Variants in DLC1 observed in about 807,000 individuals in gnomAD.
DLC1 encodes rho GTPase-activating protein 7.
A neutral mutation model predicts 140.3 loss-of-function variants in DLC1; 54 were observed. That is an observed-to-expected ratio of 0.38 (90% CI 0.31 to 0.48). The LOEUF (loss-of-function observed/expected upper bound fraction) is 0.48. Among genes scored for constraint, DLC1 ranks in the 20% least tolerant of loss-of-function variants. The pLI is 0.96. For synonymous variants in DLC1, 986 were observed against 728.1 expected (o/e 1.35, Z -5.70); for missense variants, 2,536 against 1,907.0 (o/e 1.33, Z -6.14).
chr8:13,600,426 T>C (rs1385409769), intron 1 of DLC1, among the ~76,000 whole-genome samples: 2 of 151,886 alleles, frequency 1.3e-5, no homozygotes, highest in African/African-American at 4.8e-5. Flanking sequence ...ATTCGTGTTA[T>C]TTGGACCCCA....
rs553117024 is a variant in DLC1 at position 13,507,422 on chromosome 8, A to G, written c.-126+7180T>C. On this transcript the variant is annotated intron_variant, in intron 1 of 17. Coordinates refer to ENST00000276297, the MANE Select transcript of DLC1 (RefSeq NM_182643.3). The stretch of plus-strand genomic sequence containing the variant: ...CCAGACAGCCAACTTTCAGTAAAAA[A>G]CAATTAGTGTTTTTCCTTTAAAATA... Among the ~76,000 whole-genome samples, 7 of 152,338 alleles carry G rather than the reference A, an allele frequency of 4.6e-5. No homozygotes were observed. In the South Asian group the frequency reaches 1.4e-3, roughly 32 times the overall value.
At chr8:13,255,906 T>C (rs921086116) in intron 5 of DLC1, among the ~76,000 whole-genome samples, 2 of 152,220 alleles carry the variant, frequency 1.3e-5, no homozygotes, top group East Asian at 3.8e-4. Context: ...AATGTACCAG[T>C]CTTGAAAGCA....
chr8:13,107,491 A>C (rs1031849984), intron 7 of DLC1, among the ~76,000 whole-genome samples: 1 of 152,254 alleles, frequency 6.6e-6, no homozygotes, highest in Non-Finnish European at 1.5e-5. Flanking sequence ...TACCACATGT[A>C]TTTAAAATCA....
intron 5 of DLC1, among the ~76,000 whole-genome samples, chr8:13,125,061 C>T (rs1287639964): frequency 6.6e-6 from 1 of 152,116 alleles, no homozygotes; most frequent in African/African-American, 2.4e-5. Flanking sequence ...ACAGCAACCT[C>T]TGCCTCCTGG....
chr8:13,370,682 C>T (rs1385132724), intron 4 of DLC1, among the ~76,000 whole-genome samples: 1 of 152,180 alleles, frequency 6.6e-6, no homozygotes, highest in African/African-American at 2.4e-5. Context: ...AAACATGCTC[C>T]TTTTTGTTCT....
intron 1 of DLC1, among the ~76,000 whole-genome samples, chr8:13,549,448 C>A (rs900887274): frequency 6.6e-6 from 1 of 152,142 alleles, no homozygotes; most frequent in Non-Finnish European, 1.5e-5. Context: ...GCAAATTTAA[C>A]TGCTTCAACC....
At chr8:13,506,581 G>GTATA (rs36209609) in intron 1 of DLC1, among the ~76,000 whole-genome samples, 5 of 131,138 alleles carry the variant, frequency 3.8e-5, no homozygotes, top group African/African-American at 9.6e-5. Context: ...GTGTGTGTGT[G>GTATA]TATATATATA....
At chr8:13,390,849 G>C (rs112211121) in intron 4 of DLC1, among the ~76,000 whole-genome samples, 2 of 152,060 alleles carry the variant, frequency 1.3e-5, no homozygotes, top group Non-Finnish European at 1.5e-5. Flanking sequence ...TTAGCCAGGC[G>C]TGGTGGAGGG....
chr8:13,108,328 T>C (rs1404599849), intron 7 of DLC1, among the ~76,000 whole-genome samples: 1 of 152,202 alleles, frequency 6.6e-6, no homozygotes, highest in South Asian at 2.1e-4. Flanking sequence ...TTTAAAGCGC[T>C]CTGACATCCA....
rs535881877 is a variant in DLC1, at chr8:13,441,077, T to C, written c.1024-39458A>G. On this transcript the variant is annotated intron_variant, in intron 2 of 17. Coordinates refer to ENST00000276297, the MANE Select transcript of DLC1 (RefSeq NM_182643.3). ...ATAACCTGGGATAATTCTACCAAAC[T>C]ACCACTACGAAGAATTTCATTCATC... Among the ~76,000 whole-genome samples, 9 of 152,330 alleles carry C rather than the reference T, an allele frequency of 5.9e-5. No homozygotes were observed. The East Asian group carries it at 1.7e-3, about 29-fold the overall frequency.
chr8:13,172,914 T>A (rs1386285404), intron 5 of DLC1, among the ~76,000 whole-genome samples: 1 of 152,218 alleles, frequency 6.6e-6, no homozygotes, highest in Non-Finnish European at 1.5e-5. Flanking sequence ...TTTCTGTAGT[T>A]GATGTTGCTG....
rs1468144109 is a variant in DLC1 at position 13,100,301 on chromosome 8, G to A, written c.2036C>T (p.Ser679Phe). The A allele has an allele frequency of 1.2e-6, 2 of 1,614,024 alleles. No homozygotes were observed. The highest frequency in any genetic ancestry group is 2.7e-5 in the African/African-American group (2 of 74,932). Residue 679 changes from serine (S) to phenylalanine (F), a missense_variant, in exon 9 of 18, where the codon TCC (serine) becomes TTC (phenylalanine). Physicochemically the swap from Ser to Phe is radical, Grantham distance 155 (BLOSUM62 -2). Coordinates refer to ENST00000276297, the MANE Select transcript of DLC1 (RefSeq NM_182643.3). ...GGGCGCTTTGTGCTTGCTGTGATGG[G>A]AGCTCTTGAGCTTCAGGCTCTCCAT... ...KRMESLKLKS[S>F]HHSKHKAPSK...
In DLC1 at chr8:13,151,316, A is replaced by G. The variant is rs569963120; in HGVS notation, c.1349-35659T>C. Among the ~76,000 whole-genome samples the G allele has an allele frequency of 3.3e-5, 5 of 152,366 alleles. 1 individual carries two copies. In the South Asian group the frequency reaches 8.3e-4, roughly 25 times the overall value. ...AATACACATTCAGTACTATGTATGCACTTTTGAAGTGTTTTCAACTATTAG... is the reference window on the plus strand; with the variant it reads ...AATACACATTCAGTACTATGTATGCGCTTTTGAAGTGTTTTCAACTATTAG... On this transcript the variant is annotated intron_variant, in intron 5 of 17. Transcript: ENST00000276297.
intron 4 of DLC1, among the ~76,000 whole-genome samples, chr8:13,363,792 G>C (rs1278199114): frequency 6.6e-6 from 1 of 152,142 alleles, no homozygotes; most frequent in East Asian, 1.9e-4. Flanking sequence ...TTTGGTGATT[G>C]CAAAACTGGA....
chr8:13,370,519 A>C (rs901446538), intron 4 of DLC1, among the ~76,000 whole-genome samples: 1 of 152,114 alleles, frequency 6.6e-6, no homozygotes, highest in Non-Finnish European at 1.5e-5. Flanking sequence ...AGAGATATTT[A>C]AACTGCTTCC....
chr8:13,565,699 A>AAGAG (rs370934370), intron 1 of DLC1, among the ~76,000 whole-genome samples: 1 of 152,068 alleles, frequency 6.6e-6, no homozygotes, highest in East Asian at 1.9e-4. Context: ...CACAGGAAGA[A>AAGAG]AGAGAGAGAG....
chr8:13,234,462 C>A (rs1408417918), intron 5 of DLC1, among the ~76,000 whole-genome samples: 1 of 152,078 alleles, frequency 6.6e-6, no homozygotes, highest in African/African-American at 2.4e-5. Context: ...ATCCTGAAAT[C>A]AGCCTTAATT....
chr8:13,108,298 T>G (rs1182099356), intron 7 of DLC1, among the ~76,000 whole-genome samples: 1 of 152,118 alleles, frequency 6.6e-6, no homozygotes, highest in Non-Finnish European at 1.5e-5. Context: ...ATACTCAAAT[T>G]GGGGCCTGAT....
intron 4 of DLC1, among the ~76,000 whole-genome samples, chr8:13,376,367 T>C (rs1235115335): frequency 6.6e-6 from 1 of 152,098 alleles, no homozygotes; most frequent in African/African-American, 2.4e-5. Context: ...CCTCTATTCC[T>C]CTAAGTAAGC....
Sources: allele counts gnomAD v4.1 joint callset (sites outside exome capture counted in the v4.1 genomes callset), GRCh38; gene constraint gnomAD v4.1.1; transcripts MANE v1.5; gene names NCBI Gene and HGNC (gene_info 2026-07-23, HGNC 2026-07-21).